CNTN5: variants seen among roughly 807,000 people sequenced by gnomAD.
CNTN5 encodes contactin 5, also known as contactin-5.
In CNTN5, 77 loss-of-function variants were observed where a neutral mutation model predicts 129.1. That is an observed-to-expected ratio of 0.60 (90% CI 0.50 to 0.72). The LOEUF (loss-of-function observed/expected upper bound fraction) is 0.72. Among genes scored for constraint, CNTN5 ranks in the 30% least tolerant of loss-of-function variants. The pLI is 0.00. For synonymous variants in CNTN5, 509 were observed against 465.6 expected (o/e 1.09, Z -1.20); for missense variants, 1,478 against 1,328.8 (o/e 1.11, Z -1.75).
At chr11:99,917,145 C>G (rs564654584) in intron 7 of CNTN5, among the ~76,000 whole-genome samples, 1 of 152,096 alleles carries the variant, frequency 6.6e-6, no homozygotes, top group African/African-American at 2.4e-5. Flanking sequence ...TGCATATCAA[C>G]AGGGACATAT....
intron 2 of CNTN5, among the ~76,000 whole-genome samples, chr11:99,470,774 T>G (rs1565209804): frequency 6.6e-6 from 1 of 151,142 alleles, no homozygotes; most frequent in African/African-American, 2.4e-5. Flanking sequence ...GCCTAAATTT[T>G]TAATTTACAA....
intron 9 of CNTN5, among the ~76,000 whole-genome samples, chr11:100,006,433 T>C (rs1940193920): frequency 1.3e-5 from 2 of 152,152 alleles, no homozygotes; most frequent in Non-Finnish European, 2.9e-5. Flanking sequence ...CACCACTTTG[T>C]CAACCAAGTA....
At chr11:99,678,378 A>G (rs1282481728) in intron 3 of CNTN5, among the ~76,000 whole-genome samples, 1 of 152,144 alleles carries the variant, frequency 6.6e-6, no homozygotes, top group Admixed American at 6.6e-5. Context: ...TACACAAAAC[A>G]ATCATTGCAA....
intron 8 of CNTN5, among the ~76,000 whole-genome samples, chr11:99,987,034 T>C (rs1276535758): frequency 1.3e-5 from 2 of 152,200 alleles, no homozygotes; most frequent in African/African-American, 4.8e-5. Flanking sequence ...ATATAGATTT[T>C]TTCATAATTC....
chr11:100,263,584 G>C (rs1950246904), intron 17 of CNTN5, among the ~76,000 whole-genome samples: 1 of 151,858 alleles, frequency 6.6e-6, no homozygotes, highest in African/African-American at 2.4e-5. Flanking sequence ...CTCATTCCTG[G>C]ATCCATTATA....
At chr11:99,058,472 A>G in intron 1 of CNTN5, among the ~76,000 whole-genome samples, 1 of 152,024 alleles carries the variant, frequency 6.6e-6, no homozygotes, top group Non-Finnish European at 1.5e-5. Context: ...ATATATATAT[A>G]TTTTCTCACA....
Position 99,477,362 on chromosome 11 carries a change from A to G in CNTN5, c.-70-78783A>G, listed in dbSNP as rs140713517. On this transcript the variant is annotated intron_variant, in intron 2 of 24. Transcript: ENST00000524871. ...GTAGGGATCTTGTATTCTGTGATGA[A>G]TCTAGTATTTTCTTCATTGTATAAC... 9.8e-3 allele frequency among the ~76,000 whole-genome samples: 1,492 copies of G among 152,028 alleles called. 25 individuals are homozygous for G. Among genetic ancestry groups the G allele is most frequent in the African/African-American group, 0.034 (1,393 of 41,518 alleles).
At chr11:99,142,111 A>AT (rs1242858135) in intron 1 of CNTN5, among the ~76,000 whole-genome samples, 1 of 152,132 alleles carries the variant, frequency 6.6e-6, no homozygotes, top group Non-Finnish European at 1.5e-5. Flanking sequence ...TGGGCAGCAC[A>AT]TGCTAACCCT....
intron 9 of CNTN5, among the ~76,000 whole-genome samples, chr11:100,057,672 G>C (rs1238426191): frequency 1.7e-5 from 2 of 115,566 alleles, no homozygotes. Flanking sequence ...AGAGAACTTA[G>C]GCAAATTTCC....
At chr11:100,280,348 A>T (rs1425137257) in intron 18 of CNTN5, among the ~76,000 whole-genome samples, 2 of 151,968 alleles carry the variant, frequency 1.3e-5, no homozygotes, top group Non-Finnish European at 2.9e-5. Flanking sequence ...TCCTGTGTAT[A>T]TCTGGGTACT....
intron 1 of CNTN5, among the ~76,000 whole-genome samples, chr11:99,039,049 A>G (rs1863876717): frequency 1.3e-5 from 2 of 152,134 alleles, no homozygotes. Flanking sequence ...AGAGGAGTAA[A>G]TAATTGAAAA....
intron 10 of CNTN5, among the ~76,000 whole-genome samples, chr11:100,069,059 G>T (rs1157071091): frequency 6.6e-6 from 1 of 152,144 alleles, no homozygotes; most frequent in Non-Finnish European, 1.5e-5. Context: ...GTTCTTTCTT[G>T]CTCTTTCTCC....
At chr11:99,282,033 A>G (rs186741198) in intron 1 of CNTN5, among the ~76,000 whole-genome samples, 2 of 151,848 alleles carry the variant, frequency 1.3e-5, no homozygotes, top group Non-Finnish European at 2.9e-5. Flanking sequence ...GTTTTGTTTT[A>G]CTGTGTATGA....
intron 3 of CNTN5, among the ~76,000 whole-genome samples, chr11:99,703,664 G>T (rs1272767950): frequency 2.7e-5 from 4 of 150,820 alleles, no homozygotes; most frequent in African/African-American, 9.7e-5. Flanking sequence ...AGTTCTGTTT[G>T]ATTACAAAAG....
chr11:99,178,794 T>C (rs1169032557), intron 1 of CNTN5, among the ~76,000 whole-genome samples: 1 of 152,042 alleles, frequency 6.6e-6, no homozygotes, highest in African/African-American at 2.4e-5. Flanking sequence ...AATTCTAATA[T>C]TATATAATTA....
intron 3 of CNTN5, among the ~76,000 whole-genome samples, chr11:99,615,569 CTTTT>C (rs1346221021): frequency 6.6e-6 from 1 of 151,898 alleles, no homozygotes; most frequent in Non-Finnish European, 1.5e-5. Context: ...TCTTTTGGGG[CTTTT>C]TGTTTTGAAA....
At chr11:99,722,850 CCATATA>C (rs1943218186) in intron 3 of CNTN5, among the ~76,000 whole-genome samples, 1 of 151,832 alleles carries the variant, frequency 6.6e-6, no homozygotes, top group South Asian at 2.1e-4. Context: ...ACTCCCAACC[CCATATA>C]CATAATGTAT....
At chr11:99,672,285 CAGA>C (rs764709504) in intron 3 of CNTN5, among the ~76,000 whole-genome samples, 11 of 152,058 alleles carry the variant, frequency 7.2e-5, no homozygotes, top group Non-Finnish European at 1.2e-4. Flanking sequence ...AGAAAGGAAG[CAGA>C]AGGAAAGTAC....
rs568365819 is a variant in CNTN5, at chr11:100,083,687, A to T, written c.1580+9393A>T. ...CACATTTTCAAATAATTCCATTTTC[A>T]ACAGTATGTTTACATAGTATAACGA... On this transcript the variant is annotated intron_variant, in intron 13 of 24. Transcript: ENST00000524871. Among the ~76,000 whole-genome samples the T allele has an allele frequency of 7.2e-5, 11 of 152,338 alleles. No homozygotes were observed. The South Asian group carries it at 2.3e-3, about 32-fold the overall frequency.
Sources: gnomAD v4.1 joint callset for allele counts (sites outside exome capture counted in the v4.1 genomes callset) on GRCh38, gnomAD v4.1.1 for gene constraint, MANE v1.5 for transcripts, NCBI Gene and HGNC (gene_info 2026-07-23, HGNC 2026-07-21) for gene names.